Variants in CLEC16A observed in about 807,000 individuals in gnomAD.
CLEC16A encodes protein CLEC16A.
CLEC16A carries 51 observed loss-of-function variants against 109.5 expected under a neutral mutation model. The ratio of observed to expected loss-of-function variants is 0.47; its 90% CI spans 0.37 to 0.59. The LOEUF (loss-of-function observed/expected upper bound fraction) is 0.59. Ranked by LOEUF, CLEC16A falls within the 20% of genes least tolerant of loss-of-function variation. The pLI, the probability that CLEC16A is intolerant of heterozygous loss-of-function variation, is 0.00. For missense variants in CLEC16A, 1,339 were observed against 1,394.0 expected, an observed-to-expected ratio of 0.96 and a Z score of 0.63; for synonymous variants, 673 against 564.2, an observed-to-expected ratio of 1.19 and a Z score of -2.73.
intron 10 of CLEC16A, among the ~76,000 whole-genome samples, chr16:10,996,671 C>T (rs565739207): frequency 1.1e-4 from 16 of 152,312 alleles, no homozygotes; most frequent in African/African-American, 2.6e-4. Context: ...AACCTCTTCT[C>T]TTCCAGCGTC....
intron 19 of CLEC16A, among the ~76,000 whole-genome samples, chr16:11,075,976 C>G (rs2049349958): frequency 6.6e-6 from 1 of 152,176 alleles, no homozygotes; most frequent in Non-Finnish European, 1.5e-5. Flanking sequence ...TTCTTCTCAT[C>G]CCTGTGACCA....
At chr16:11,077,971 GT>G (rs2049481267) in intron 19 of CLEC16A, among the ~76,000 whole-genome samples, 1 of 119,498 alleles carries the variant, frequency 8.4e-6, no homozygotes, top group African/African-American at 3.7e-5. Context: ...AAACGTGTGT[GT>G]GTGTGTGTGT....
intron 10 of CLEC16A, among the ~76,000 whole-genome samples, chr16:11,000,684 A>G (rs2044617937): frequency 6.6e-6 from 1 of 152,204 alleles, no homozygotes; most frequent in Non-Finnish European, 1.5e-5. Context: ...GGTTTCCTGG[A>G]CAGTAGAATC....
intron 19 of CLEC16A, among the ~76,000 whole-genome samples, chr16:11,062,608 A>G (rs2048543012): frequency 6.6e-6 from 1 of 152,212 alleles, no homozygotes; most frequent in East Asian, 1.9e-4. Flanking sequence ...TGAAGAGCAT[A>G]GCATGCCGCC....
rs931736390 is a variant in CLEC16A, at chr16:11,174,992, G to A, written c.2807-3343G>A. Among the ~76,000 whole-genome samples the A allele has an allele frequency of 2.0e-5, 3 of 152,186 alleles. No individual in the cohort carries two copies. Among genetic ancestry groups the A allele is most frequent in the South Asian group, 2.1e-4 (1 of 4,832 alleles). On this transcript the variant is annotated intron_variant, in intron 23 of 23. Coordinates refer to ENST00000409790, the MANE Select transcript of CLEC16A (RefSeq NM_015226.3). The surrounding 1 kb of genome is among the most constrained non-coding windows in gnomAD (Gnocchi z 4.7). ...TGCGCTTTTCTCCATTGGCCGTTGC[G>A]CTTGTCTGCTGGGAGCCTTTGCCTT...
intron 22 of CLEC16A, among the ~76,000 whole-genome samples, chr16:11,153,915 C>A (rs1295109937): frequency 6.6e-6 from 1 of 152,124 alleles, no homozygotes; most frequent in African/African-American, 2.4e-5. Flanking sequence ...TTTGAGAAGC[C>A]CTTCTGGTTC....
chr16:11,034,913 CTG>C (rs996739249), intron 13 of CLEC16A, among the ~76,000 whole-genome samples: 6 of 143,156 alleles, frequency 4.2e-5, no homozygotes, highest in African/African-American at 1.3e-4. Context: ...GAATGAGTGT[CTG>C]TGTGTGTATG....
intron 10 of CLEC16A, among the ~76,000 whole-genome samples, chr16:10,988,655 G>A (rs1385287615): frequency 1.3e-5 from 2 of 152,144 alleles, no homozygotes; most frequent in African/African-American, 4.8e-5. Flanking sequence ...TGCTTTTGGT[G>A]CTGTTCCATG....
chr16:11,015,618 T>C (rs1409203997), intron 11 of CLEC16A, among the ~76,000 whole-genome samples: 2 of 152,200 alleles, frequency 1.3e-5, no homozygotes, highest in African/African-American at 4.8e-5. Flanking sequence ...AAAATTGTCC[T>C]GCAAATTAGT....
chr16:11,129,569 T>G (rs1348270412), intron 22 of CLEC16A, among the ~76,000 whole-genome samples: 8 of 152,246 alleles, frequency 5.3e-5, no homozygotes, highest in African/African-American at 1.9e-4. Flanking sequence ...GACCACACTT[T>G]GAGACCCACT....
chr16:11,140,152 G>A (rs1223749607), intron 22 of CLEC16A, among the ~76,000 whole-genome samples: 1 of 152,184 alleles, frequency 6.6e-6, no homozygotes, highest in Admixed American at 6.5e-5. Context: ...GCTCTGCAGA[G>A]CTTCTGGGGT....
chr16:11,027,324 T>C lies in CLEC16A; in HGVS notation c.1537+2403T>C, dbSNP rs985786644. 5.7e-5 allele frequency: 82 copies of C among 1,444,244 alleles called. No homozygotes were observed. The African/African-American group carries it at 1.0e-3, about 18-fold the overall frequency. The allele number at this position is 1,444,244 out of a possible 1,614,324, so 89.5% of individuals were successfully genotyped here. On this transcript the variant is annotated intron_variant, in intron 13 of 23. Transcript: ENST00000409790. ...CATCGAAAGGATTGATGGCGTGAGT[T>C]TACTGGTGCAGAGAACCATTGCAAG...
intron 1 of CLEC16A, among the ~76,000 whole-genome samples, chr16:10,950,994 G>A (rs1214757053): frequency 6.6e-6 from 1 of 152,238 alleles, no homozygotes; most frequent in Admixed American, 6.5e-5. Context: ...CTTGGACCTA[G>A]TATTCCTGTC....
At chr16:10,996,448 T>A (rs2044333189) in intron 10 of CLEC16A, among the ~76,000 whole-genome samples, 1 of 152,182 alleles carries the variant, frequency 6.6e-6, no homozygotes, top group Admixed American at 6.5e-5. Context: ...GGTGAGTGGC[T>A]TCTGGGCACA....
chr16:10,990,487 C>T (rs911941800), intron 10 of CLEC16A, among the ~76,000 whole-genome samples: 2 of 152,154 alleles, frequency 1.3e-5, no homozygotes, highest in South Asian at 2.1e-4. Context: ...TAGCCAGGGC[C>T]GCGGGTGACT....
At chr16:10,997,762 T>C (rs1428512371) in intron 10 of CLEC16A, among the ~76,000 whole-genome samples, 2 of 152,250 alleles carry the variant, frequency 1.3e-5, no homozygotes, top group East Asian at 3.8e-4. Context: ...TGTATATTCT[T>C]CCAGACCTTT....
chr16:11,005,036 T>TG (rs919602000), intron 11 of CLEC16A, among the ~76,000 whole-genome samples: 100 of 152,302 alleles, frequency 6.6e-4, no homozygotes, highest in African/African-American at 2.4e-3. Context: ...GGGGGAGAAA[T>TG]GGACATCTTC....
At chr16:11,092,622 A>G (rs538112281) in intron 19 of CLEC16A, among the ~76,000 whole-genome samples, 2 of 152,328 alleles carry the variant, frequency 1.3e-5, no homozygotes, top group East Asian at 3.9e-4. Context: ...ACGTTTTTGC[A>G]AATACAGATT....
At chr16:10,987,819 T>C (rs1245502759) in intron 10 of CLEC16A, among the ~76,000 whole-genome samples, 1 of 152,236 alleles carries the variant, frequency 6.6e-6, no homozygotes, top group African/African-American at 2.4e-5. Context: ...TCTTGGTCTT[T>C]TTTAACCTAC....
Sources: gnomAD v4.1 joint callset for allele counts (sites outside exome capture counted in the v4.1 genomes callset) on GRCh38, gnomAD v4.1.1 for gene constraint, Gnocchi (gnomAD v3.1) non-coding constraint, MANE v1.5 for transcripts, NCBI Gene and HGNC (gene_info 2026-07-23, HGNC 2026-07-21) for gene names.